Variants in MTHFD2L observed in about 807,000 individuals in gnomAD.
MTHFD2L encodes bifunctional methylenetetrahydrofolate dehydrogenase/cyclohydrolase 2, mitochondrial.
MTHFD2L carries 29 observed loss-of-function variants against 34.9 expected under a neutral mutation model. The ratio of observed to expected loss-of-function variants is 0.83; its 90% CI spans 0.62 to 1.13. MTHFD2L has a LOEUF of 1.13. Ranked by LOEUF, MTHFD2L falls within the 50% of genes most tolerant of loss-of-function variation. The pLI is 0.00. For missense variants in MTHFD2L, 481 were observed against 446.5 expected, an observed-to-expected ratio of 1.08 and a Z score of -0.70; for synonymous variants, 167 against 155.7, an observed-to-expected ratio of 1.07 and a Z score of -0.54.
rs1040066923 is a variant in MTHFD2L, at chr4:74,158,161, T to C, written c.23T>C (p.Phe8Ser). ...GCCATGACGGTGCCGGTCCGCGGCT[T>C]CTCGCTGCTCCGCGGCCGCCTTGGC... is the stretch of plus-strand genomic sequence containing the variant. MTVPVRGFSLLRGRLGRA... is the reference protein window; with the variant it reads MTVPVRGSSLLRGRLGRA... Residue 8 changes from phenylalanine (F) to serine (S), a missense_variant, in exon 1 of 8, where the codon TTC becomes TCC. Transcript: ENST00000325278. 2.9e-5 allele frequency: 45 copies of C among 1,529,314 alleles called. No homozygotes were observed. Among genetic ancestry groups the C allele is most frequent in the Non-Finnish European group, 3.9e-5 (44 of 1,139,622 alleles). 94.7% of individuals were successfully genotyped at this position (1,529,314 alleles called of 1,614,324 possible).
chr4:74,126,520 A>G (rs1191412802), intron 1 of MTHFD2L, among the ~76,000 whole-genome samples: 4 of 151,906 alleles, frequency 2.6e-5, no homozygotes, highest in Admixed American at 2.6e-4. Context: ...AATCTCTTAA[A>G]ATATCTAGTT....
At position 74,214,059 on chromosome 4, in the gene MTHFD2L, A is replaced by T. The variant is rs141018222; in HGVS notation, c.713-11243A>T. ...TCGTGCTGTGTTTTTCAGCTCCATC[A>T]GGTCATTTATGTTTGTCTCTAAACT... is the stretch of plus-strand genomic sequence containing the variant. On this transcript the variant is annotated intron_variant, in intron 5 of 7. Coordinates refer to ENST00000325278, the MANE Select transcript of MTHFD2L (RefSeq NM_001144978.3). Among the ~76,000 whole-genome samples, 3 of 151,740 alleles carry T rather than the reference A, an allele frequency of 2.0e-5. 1 individual carries two copies. Among genetic ancestry groups the T allele is most frequent in the African/African-American group, 7.3e-5 (3 of 41,046 alleles).
intron 1 of MTHFD2L, among the ~76,000 whole-genome samples, chr4:74,152,106 T>G (rs915163167): frequency 1.3e-5 from 2 of 152,128 alleles, no homozygotes; most frequent in African/African-American, 4.8e-5. Flanking sequence ...CATCAAATTA[T>G]ATCAACAATG....
intron 6 of MTHFD2L, among the ~76,000 whole-genome samples, chr4:74,245,339 A>C (rs185922885): frequency 1.3e-5 from 2 of 151,016 alleles, no homozygotes; most frequent in East Asian, 3.9e-4. Context: ...TATGTTATTT[A>C]TTTTAACATG....
At chr4:74,274,369 A>C (rs1407510414) in intron 6 of MTHFD2L, among the ~76,000 whole-genome samples, 1 of 152,214 alleles carries the variant, frequency 6.6e-6, no homozygotes, top group Non-Finnish European at 1.5e-5. Context: ...AAATAAATGC[A>C]GTTCATGGGG....
chr4:74,282,215 C>T (rs529272624), intron 7 of MTHFD2L, among the ~76,000 whole-genome samples: 15 of 152,186 alleles, frequency 9.9e-5, no homozygotes, highest in South Asian at 2.1e-4. Flanking sequence ...ATTTTACTTC[C>T]GTTATCTTTG....
intron 7 of MTHFD2L, among the ~76,000 whole-genome samples, chr4:74,283,597 G>A (rs1747769277): frequency 6.6e-6 from 1 of 152,092 alleles, no homozygotes; most frequent in Admixed American, 6.6e-5. Flanking sequence ...GCTCCATTCA[G>A]CTCTACTGTT....
chr4:74,175,425 T>C, intron 3 of MTHFD2L, 22 bp downstream of exon 3: 1 of 1,588,176 alleles, frequency 6.3e-7, no homozygotes, highest in African/African-American at 1.4e-5. Context: ...TCCTCTTATT[T>C]ATCTGATTTT....
chr4:74,117,870 G>A (rs1721681748), intron 2 of MTHFD2L, among the ~76,000 whole-genome samples: 1 of 152,166 alleles, frequency 6.6e-6, no homozygotes, highest in Admixed American at 6.5e-5. Flanking sequence ...CCAAACAGAT[G>A]CAAAGTCCTG....
chr4:74,170,714 A>T (rs1727746999), intron 1 of MTHFD2L, among the ~76,000 whole-genome samples: 1 of 152,146 alleles, frequency 6.6e-6, no homozygotes, highest in East Asian at 1.9e-4. Context: ...TACACAAAGA[A>T]CTTTAAAAAA....
chr4:74,248,077 C>T lies in MTHFD2L; in HGVS notation c.805+22683C>T, dbSNP rs1161699509. Reference sequence around the variant, plus strand: ...ATGGTACCAGTTCCTCCTTGTACCTCTGGTAGAATTCGGCTGTGAATCCAT... The same window carrying T: ...ATGGTACCAGTTCCTCCTTGTACCTTTGGTAGAATTCGGCTGTGAATCCAT... On this transcript the variant is annotated intron_variant, in intron 6 of 7. Coordinates refer to ENST00000325278, the MANE Select transcript of MTHFD2L (RefSeq NM_001144978.3). Among the ~76,000 whole-genome samples the T allele has an allele frequency of 4.0e-5, 6 of 151,862 alleles. No individual in the cohort carries two copies. The East Asian group carries it at 1.2e-3, about 29-fold the overall frequency.
intron 5 of MTHFD2L, among the ~76,000 whole-genome samples, chr4:74,224,737 T>A (rs1738866036): frequency 6.6e-6 from 1 of 152,086 alleles, no homozygotes; most frequent in East Asian, 1.9e-4. Flanking sequence ...ACTTTCAAAG[T>A]TGGTTAGTTT....
intron 5 of MTHFD2L, among the ~76,000 whole-genome samples, chr4:74,202,284 C>T (rs1408322083): frequency 6.6e-6 from 1 of 152,176 alleles, no homozygotes; most frequent in African/African-American, 2.4e-5. Context: ...GTCTTAGGAC[C>T]ACACGAGTAA....
intron 6 of MTHFD2L, among the ~76,000 whole-genome samples, chr4:74,240,490 G>A (rs1158940603): frequency 6.6e-6 from 1 of 152,020 alleles, no homozygotes; most frequent in Non-Finnish European, 1.5e-5. Flanking sequence ...GGATGATGGT[G>A]TATATCTATA....
chr4:74,257,113 G>T (rs191636265), intron 6 of MTHFD2L, among the ~76,000 whole-genome samples: 129 of 152,038 alleles, frequency 8.5e-4, no homozygotes, highest in Non-Finnish European at 1.7e-3. Flanking sequence ...TTTCCCATTT[G>T]TTTGTGTCAC....
intron 5 of MTHFD2L, among the ~76,000 whole-genome samples, chr4:74,204,819 A>G (rs1157973096): frequency 1.3e-5 from 2 of 152,162 alleles, no homozygotes; most frequent in African/African-American, 2.4e-5. Context: ...AGATGCATAC[A>G]TATGCAGTAA....
intron 5 of MTHFD2L, among the ~76,000 whole-genome samples, chr4:74,204,822 T>C (rs16850655): frequency 0.025 from 3,762 of 152,234 alleles, 175 homozygotes; most frequent in African/African-American, 0.085. Context: ...TGCATACATA[T>C]GCAGTAAAAG....
At chr4:74,206,440 G>A (rs2110070734) in intron 5 of MTHFD2L, among the ~76,000 whole-genome samples, 1 of 152,124 alleles carries the variant, frequency 6.6e-6, no homozygotes, top group Middle Eastern at 3.4e-3. Flanking sequence ...ATTAGCTCCT[G>A]GAACTTCTAA....
chr4:74,199,671 T>TGAC, intron 3 of MTHFD2L, 123 bp from the exon 4 acceptor site: 1 of 746,418 alleles, frequency 1.3e-6, no homozygotes, highest in Non-Finnish European at 2.1e-6. Context: ...ATAATAATAA[T>TGAC]GACTTTACAC....
Sources: gnomAD v4.1 joint callset for allele counts (sites outside exome capture counted in the v4.1 genomes callset) on GRCh38, gnomAD v4.1.1 for gene constraint, MANE v1.5 for transcripts, NCBI Gene and HGNC (gene_info 2026-07-23, HGNC 2026-07-21) for gene names.